The following ADAM10 variants were observed in gnomAD, a reference collection of about 807,000 sequenced individuals.
The protein encoded by ADAM10 is disintegrin and metalloproteinase domain-containing protein 10.
ADAM10 carries 17 observed loss-of-function variants against 90.1 expected under a neutral mutation model. The ratio of observed to expected loss-of-function variants is 0.19; its 90% CI spans 0.13 to 0.28. The LOEUF is 0.28. ADAM10 is among the 10% of genes least tolerant of loss of function. ADAM10 has a pLI of 1.00. For missense variants in ADAM10, 610 were observed against 914.3 expected (o/e 0.67, Z 4.29); for synonymous variants, 310 against 298.6 (o/e 1.04, Z -0.40).
chr15:58,698,094 C>T (rs1187287361), intron 2 of ADAM10, among the ~76,000 whole-genome samples: 5 of 151,828 alleles, frequency 3.3e-5, no homozygotes, highest in Non-Finnish European at 7.4e-5. Flanking sequence ...AATAAGGACC[C>T]AAGAAACATG....
intron 2 of ADAM10, among the ~76,000 whole-genome samples, chr15:58,713,766 C>A (rs1184608952): frequency 1.3e-5 from 2 of 151,830 alleles, no homozygotes; most frequent in Non-Finnish European, 2.9e-5. Context: ...TATTTTCAAA[C>A]AACTTTAAGC....
intron 10 of ADAM10, among the ~76,000 whole-genome samples, chr15:58,626,677 ATAT>A (rs1180867150): frequency 6.6e-6 from 1 of 152,214 alleles, no homozygotes; most frequent in Non-Finnish European, 1.5e-5. Flanking sequence ...AACCTTGAAA[ATAT>A]TATGCTAAGT....
At chr15:58,733,795 T>C (rs1899338570) in intron 1 of ADAM10, among the ~76,000 whole-genome samples, 1 of 151,744 alleles carries the variant, frequency 6.6e-6, no homozygotes, top group African/African-American at 2.4e-5. Context: ...ATTTTATCTG[T>C]TTTTTAACTT....
intron 2 of ADAM10, among the ~76,000 whole-genome samples, chr15:58,688,365 T>A (rs1474228833): frequency 6.6e-6 from 1 of 151,702 alleles, no homozygotes; most frequent in Non-Finnish European, 1.5e-5. Context: ...CCATCTCTAA[T>A]TTTAAAAAAA....
chr15:58,606,773 T>C (rs1277094980), intron 14 of ADAM10, among the ~76,000 whole-genome samples: 1 of 152,228 alleles, frequency 6.6e-6, no homozygotes, highest in Non-Finnish European at 1.5e-5. Flanking sequence ...CGTAAGAATT[T>C]GCATTTCTAT....
intron 2 of ADAM10, chr15:58,686,503 A>T: frequency 7.0e-7 from 1 of 1,424,624 alleles, no homozygotes; most frequent in Non-Finnish European, 9.8e-7. Context: ...TCTCTCAGGC[A>T]GCCGCAGAGC....
intron 5 of ADAM10, among the ~76,000 whole-genome samples, chr15:58,658,436 T>TA (rs1896885345): frequency 2.0e-5 from 3 of 152,208 alleles, no homozygotes; most frequent in Non-Finnish European, 4.4e-5. Context: ...TACTATTAAA[T>TA]CTTCCATCCT....
chr15:58,635,281 AAAAAAAAAAAAAG>A (rs1282895425), intron 8 of ADAM10, among the ~76,000 whole-genome samples: 5 of 148,440 alleles, frequency 3.4e-5, no homozygotes, highest in Admixed American at 6.7e-5. Context: ...TCTCAAAAAA[AAAAAAAAAAAAAG>A]AAAGAAAGAA....
At chr15:58,731,787 G>C (rs879540708) in intron 1 of ADAM10, among the ~76,000 whole-genome samples, 2 of 152,164 alleles carry the variant, frequency 1.3e-5, no homozygotes, top group Non-Finnish European at 2.9e-5. Flanking sequence ...GAGTGTCACA[G>C]GTGAGAATTC....
chr15:58,649,635 C>G (rs1030571709), intron 5 of ADAM10, among the ~76,000 whole-genome samples: 1 of 152,312 alleles, frequency 6.6e-6, no homozygotes, highest in Middle Eastern at 3.4e-3. Context: ...GTCTTTTTAA[C>G]TGCTTCCAAT....
At chr15:58,709,085 ATAAAC>A (rs746653624) in intron 2 of ADAM10, among the ~76,000 whole-genome samples, 2 of 152,244 alleles carry the variant, frequency 1.3e-5, no homozygotes, top group Non-Finnish European at 2.9e-5. Flanking sequence ...ATTCAAACCA[ATAAAC>A]TAAACATATT....
chr15:58,651,905 C>T lies in ADAM10; in HGVS notation c.586-5701G>A, dbSNP rs181130673. On this transcript the variant is annotated intron_variant, in intron 5 of 15. Coordinates refer to ENST00000260408, the MANE Select transcript of ADAM10 (RefSeq NM_001110.4). ...TTCCTTTTCCCCACATCCTCACCAGCGTTTGTTATTGCCTGTCTTTTGGAT... is the reference window on the plus strand; with the variant it reads ...TTCCTTTTCCCCACATCCTCACCAGTGTTTGTTATTGCCTGTCTTTTGGAT... Among the ~76,000 whole-genome samples, 139 of 152,240 alleles carry T rather than the reference C, an allele frequency of 9.1e-4. 1 individual carries two copies. Among genetic ancestry groups the T allele is most frequent in the African/African-American group, 2.8e-3 (116 of 41,552 alleles).
chr15:58,631,838 A>C (rs147647252), intron 9 of ADAM10, among the ~76,000 whole-genome samples: 5 of 152,366 alleles, frequency 3.3e-5, no homozygotes, highest in Non-Finnish European at 7.4e-5. Flanking sequence ...AAAGCAGTCA[A>C]GAGTTACAGA....
chr15:58,655,711 G>GTGTATATATATATATATA (rs1212041296), intron 5 of ADAM10, among the ~76,000 whole-genome samples: 14 of 53,710 alleles, frequency 2.6e-4, no homozygotes, highest in South Asian at 1.1e-3. Context: ...TATATATATA[G>GTGTATATATATATATATA]TATATATATA....
At chr15:58,738,223 C>CA (rs1304010309) in intron 1 of ADAM10, among the ~76,000 whole-genome samples, 1 of 152,216 alleles carries the variant, frequency 6.6e-6, no homozygotes, top group Non-Finnish European at 1.5e-5. Context: ...ACTGAGTCAT[C>CA]AACTACATGT....
chr15:58,600,728 C>G (rs1181562016), intron 14 of ADAM10, among the ~76,000 whole-genome samples: 2 of 152,114 alleles, frequency 1.3e-5, no homozygotes, highest in Non-Finnish European at 2.9e-5. Context: ...TTATATTTTG[C>G]AATTCCAAAT....
intron 14 of ADAM10, among the ~76,000 whole-genome samples, chr15:58,607,447 C>T (rs1391402156): frequency 6.6e-6 from 1 of 152,150 alleles, no homozygotes; most frequent in African/African-American, 2.4e-5. Flanking sequence ...GGTCTTCTCA[C>T]AAATCTCCAA....
intron 14 of ADAM10, among the ~76,000 whole-genome samples, chr15:58,599,943 A>T (rs1172242696): frequency 6.6e-6 from 1 of 152,194 alleles, no homozygotes; most frequent in Non-Finnish European, 1.5e-5. Context: ...CCATAATTTC[A>T]TCTCATAGAG....
At chr15:58,708,189 C>A (rs1210263622) in intron 2 of ADAM10, among the ~76,000 whole-genome samples, 1 of 152,174 alleles carries the variant, frequency 6.6e-6, no homozygotes, top group Non-Finnish European at 1.5e-5. Flanking sequence ...AAATAACAAT[C>A]ACCTAAATTT....
Sources: gnomAD v4.1 joint callset for allele counts (sites outside exome capture counted in the v4.1 genomes callset) on GRCh38, gnomAD v4.1.1 for gene constraint, MANE v1.5 for transcripts, NCBI Gene and HGNC (gene_info 2026-07-23, HGNC 2026-07-21) for gene names.